Variants in IGSF5 observed in about 807,000 individuals in gnomAD.
IGSF5 encodes the protein immunoglobulin superfamily 5 like.
In IGSF5, 41 loss-of-function variants were observed where a neutral mutation model predicts 39.4. The ratio of observed to expected loss-of-function variants is 1.04; its 90% CI spans 0.81 to 1.35. The LOEUF (loss-of-function observed/expected upper bound fraction) is 1.35, where lower values mean the gene tolerates loss of function less well. IGSF5 is among the 40% of genes most tolerant of loss of function. IGSF5 has a pLI of 0.00. For missense variants in IGSF5, 487 were observed against 494.6 expected, an observed-to-expected ratio of 0.98 and a Z score of 0.15; for synonymous variants, 183 against 175.3, an observed-to-expected ratio of 1.04 and a Z score of -0.34.
At chr21:39,754,476 A>G (rs2837154) in intron 2 of IGSF5, among the ~76,000 whole-genome samples, 124,065 of 151,932 alleles carry the variant, frequency 0.82, 50,827 homozygotes, top group Admixed American at 0.86. Flanking sequence ...TTATCAAGCC[A>G]TTTCCAATAA....
rs561691590 is a variant in IGSF5, at chr21:39,783,089, G to A, written c.934+3784G>A. ...TTACGGTGGAATAGTATTCCATTGC[G>A]TACACGTGCCACATTTTCTTTATCC... On this transcript the variant is annotated intron_variant, in intron 5 of 8. Transcript: ENST00000380588. Among the ~76,000 whole-genome samples, 23 of 152,232 alleles carry A rather than the reference G, an allele frequency of 1.5e-4. 1 individual carries two copies. The South Asian group carries it at 2.7e-3, about 18-fold the overall frequency.
chr21:39,727,404 G>C, the IGSF5 span, among the ~76,000 whole-genome samples: 1 of 152,194 alleles, frequency 6.6e-6, no homozygotes, highest in Admixed American at 6.5e-5. Context: ...GCTACCAGGG[G>C]ACTGAAACAC....
chr21:39,771,959 C>A (rs2080117028), intron 4 of IGSF5, among the ~76,000 whole-genome samples: 1 of 152,208 alleles, frequency 6.6e-6, no homozygotes, highest in Admixed American at 6.5e-5. Context: ...GCCAAAGTGG[C>A]AGAGCTGGGC....
chr21:39,726,485 G>A, the IGSF5 span, among the ~76,000 whole-genome samples: 1 of 151,916 alleles, frequency 6.6e-6, no homozygotes, highest in Non-Finnish European at 1.5e-5. Flanking sequence ...GTGTTAGCTG[G>A]CCTCTCTCCT....
chr21:39,735,947 A>C, the IGSF5 span, among the ~76,000 whole-genome samples: 1 of 152,090 alleles, frequency 6.6e-6, no homozygotes, highest in Non-Finnish European at 1.5e-5. Flanking sequence ...TCTTTTTACA[A>C]TTTTCCTGAT....
the IGSF5 span, among the ~76,000 whole-genome samples, chr21:39,719,394 T>C: frequency 6.6e-6 from 1 of 152,038 alleles, no homozygotes; most frequent in Non-Finnish European, 1.5e-5. Flanking sequence ...ACATGATATG[T>C]GCTCTCTGTG....
chr21:39,793,670 C>A (rs1321367170), intron 8 of IGSF5, 57 bp downstream of exon 8: 2 of 1,364,926 alleles, frequency 1.5e-6, no homozygotes, highest in African/African-American at 1.4e-5. Flanking sequence ...AAAATTCTTA[C>A]CTTGTTGTGG....
At chr21:39,780,406 A>G (rs975137157) in intron 5 of IGSF5, among the ~76,000 whole-genome samples, 2 of 152,192 alleles carry the variant, frequency 1.3e-5, no homozygotes, top group Non-Finnish European at 2.9e-5. Flanking sequence ...CTTTCTCACC[A>G]AAGACACTGA....
intron 5 of IGSF5, among the ~76,000 whole-genome samples, chr21:39,785,587 A>G (rs1434382148): frequency 6.6e-6 from 1 of 152,080 alleles, no homozygotes; most frequent in Non-Finnish European, 1.5e-5. Flanking sequence ...TTTCCAATTC[A>G]GTGAAGAAAG....
chr21:39,732,922 A>G, the IGSF5 span, among the ~76,000 whole-genome samples: 1 of 152,062 alleles, frequency 6.6e-6, no homozygotes, highest in African/African-American at 2.4e-5. Flanking sequence ...GCTACTTGGG[A>G]GGGTGAGGTG....
the IGSF5 span, among the ~76,000 whole-genome samples, chr21:39,727,179 C>G: frequency 6.6e-6 from 1 of 152,212 alleles, no homozygotes; most frequent in Non-Finnish European, 1.5e-5. Context: ...ATTTTGCTTC[C>G]TATCCCTGAG....
intron 2 of IGSF5, among the ~76,000 whole-genome samples, chr21:39,765,294 T>C (rs1175787870): frequency 6.6e-6 from 1 of 152,188 alleles, no homozygotes; most frequent in East Asian, 1.9e-4. Flanking sequence ...TGAGGAATAC[T>C]ATTCAACCCA....
intron 2 of IGSF5, among the ~76,000 whole-genome samples, chr21:39,752,661 C>G (rs2080011456): frequency 6.6e-6 from 1 of 152,276 alleles, no homozygotes; most frequent in South Asian, 2.1e-4. Flanking sequence ...CACATCCACA[C>G]CAACATTTAT....
At chr21:39,797,218 CTTTT>C (rs11385437) in intron 8 of IGSF5, among the ~76,000 whole-genome samples, 4 of 123,800 alleles carry the variant, frequency 3.2e-5, no homozygotes, top group Non-Finnish European at 6.5e-5. Flanking sequence ...AGCTCCTTTG[CTTTT>C]TTTTTTTTTT....
intron 4 of IGSF5, among the ~76,000 whole-genome samples, chr21:39,773,063 A>G (rs2080122699): frequency 6.6e-6 from 1 of 152,088 alleles, no homozygotes; most frequent in South Asian, 2.1e-4. Flanking sequence ...TGTACAAATT[A>G]TTTTATGACC....
At chr21:39,732,421 G>GT in the IGSF5 span, among the ~76,000 whole-genome samples, 1 of 152,208 alleles carries the variant, frequency 6.6e-6, no homozygotes, top group Admixed American at 6.5e-5. Context: ...TCTTGCAACC[G>GT]TAAGTACACA....
chr21:39,765,674 C>G lies in IGSF5; in HGVS notation c.240C>G (p.Ser80Arg), dbSNP rs143004418. ...MWALSDMVVL[S>R]VRPMEPIITN... ...CTCTCAGTGACATGGTGGTGCTAAG[C>G]GTCAGGCCCATGGAGCCCATCATCA... The change falls in exon 3 of 9, where the codon AGC becomes AGG. Residue 80 changes from serine to arginine, a missense_variant. By Grantham distance (110) the Ser-to-Arg change is moderately radical. Coordinates refer to ENST00000380588, the MANE Select transcript of IGSF5 (RefSeq NM_001080444.2). 6.2e-7 allele frequency: 1 copy of G among 1,613,980 alleles called. No individual in the cohort carries two copies. Among genetic ancestry groups the G allele is most frequent in the Non-Finnish European group, 8.5e-7 (1 of 1,180,012 alleles).
At chr21:39,798,297 G>A (rs2087009101) in intron 8 of IGSF5, among the ~76,000 whole-genome samples, 1 of 152,192 alleles carries the variant, frequency 6.6e-6, no homozygotes, top group African/African-American at 2.4e-5. Context: ...CTGCACGATG[G>A]GTACTCAGCA....
At chr21:39,759,216 A>G (rs2080048303) in intron 2 of IGSF5, among the ~76,000 whole-genome samples, 1 of 152,256 alleles carries the variant, frequency 6.6e-6, no homozygotes, top group South Asian at 2.1e-4. Context: ...TGCCTAAGAA[A>G]TGTTTTGTGA....
Sources: allele counts gnomAD v4.1 joint callset (sites outside exome capture counted in the v4.1 genomes callset), GRCh38; gene constraint gnomAD v4.1.1; transcripts MANE v1.5; gene names NCBI Gene and HGNC (gene_info 2026-07-23, HGNC 2026-07-21).